MDGA2: variants seen among roughly 807,000 people sequenced by gnomAD.
MDGA2 encodes MAM domain containing glycosylphosphatidylinositol anchor 2.
A neutral mutation model predicts 117.8 loss-of-function variants in MDGA2; 40 were observed. The observed-to-expected ratio is 0.34, with a 90% CI of 0.26 to 0.44. The LOEUF (loss-of-function observed/expected upper bound fraction) is 0.44. Ranked by LOEUF, MDGA2 falls within the 20% of genes least tolerant of loss-of-function variation. The probability of loss-of-function intolerance (pLI) is 1.00; values close to 1 mark genes in which losing one functional copy is unlikely to be tolerated. For missense variants in MDGA2, 1,123 were observed against 1,250.6 expected, an observed-to-expected ratio of 0.90 and a Z score of 1.54; for synonymous variants, 452 against 439.0, an observed-to-expected ratio of 1.03 and a Z score of -0.37.
chr14:47,200,516 CTTT>C, intron 3 of MDGA2: 2 of 605,010 alleles, frequency 3.3e-6, no homozygotes, highest in Non-Finnish European at 5.2e-6. Context: ...TTTTTCTTTT[CTTT>C]TTTCTTTTTC....
intron 1 of MDGA2, among the ~76,000 whole-genome samples, chr14:47,392,706 C>G (rs1337581035): frequency 6.6e-6 from 1 of 152,056 alleles, no homozygotes; most frequent in African/African-American, 2.4e-5. Context: ...GTGGCTCAGC[C>G]TACATTCCCA....
At chr14:47,104,756 A>G (rs1463583856) in intron 5 of MDGA2, among the ~76,000 whole-genome samples, 1 of 152,102 alleles carries the variant, frequency 6.6e-6, no homozygotes. Flanking sequence ...GCTCCGTGAG[A>G]AAGATCCACC....
chr14:46,919,281 G>A (rs1884030989), intron 10 of MDGA2, among the ~76,000 whole-genome samples: 2 of 152,170 alleles, frequency 1.3e-5, no homozygotes, highest in South Asian at 4.1e-4. Flanking sequence ...AAGGTTTTGG[G>A]AGAGAGCTAA....
intron 8 of MDGA2, among the ~76,000 whole-genome samples, chr14:46,999,552 G>A (rs898038244): frequency 6.6e-6 from 1 of 152,024 alleles, no homozygotes; most frequent in Non-Finnish European, 1.5e-5. Flanking sequence ...GCAATTTATT[G>A]ATAGATGTAT....
At chr14:47,332,936 A>T (rs1257495970) in intron 1 of MDGA2, among the ~76,000 whole-genome samples, 1 of 151,954 alleles carries the variant, frequency 6.6e-6, no homozygotes, top group African/African-American at 2.4e-5. Flanking sequence ...CACTTAAGAT[A>T]ATAGCCTCTA....
rs574799818 is a variant in MDGA2, at chr14:47,599,150, A to G, written c.280+75367T>C. On this transcript the variant is annotated intron_variant, in intron 1 of 16. Coordinates refer to ENST00000399232, the MANE Select transcript of MDGA2 (RefSeq NM_001113498.3). Reference sequence around the variant, plus strand: ...GAAGACATTATGCCTGTCCTCTTCTAGTATGCCTCAAAATATCATTATGCA... The same window carrying G: ...GAAGACATTATGCCTGTCCTCTTCTGGTATGCCTCAAAATATCATTATGCA... 8.5e-5 allele frequency among the ~76,000 whole-genome samples: 13 copies of G among 152,156 alleles called. No individual in the cohort carries two copies. The East Asian group carries it at 2.5e-3, about 29-fold the overall frequency.
rs536939267 is a variant in MDGA2 at position 47,010,102 on chromosome 14, T to G, written c.1819+24909A>C. 7.9e-5 allele frequency among the ~76,000 whole-genome samples: 12 copies of G among 152,226 alleles called. No homozygotes were observed. In the South Asian group the frequency reaches 2.5e-3, roughly 32 times the overall value. Reference sequence around the variant, plus strand: ...TAATGATCTTGTAACATCAAGTCCCTGTGGCATCTTTGCCTTTACTGACTG... The same window carrying G: ...TAATGATCTTGTAACATCAAGTCCCGGTGGCATCTTTGCCTTTACTGACTG... On this transcript the variant is annotated intron_variant, in intron 8 of 16. Coordinates refer to ENST00000399232, the MANE Select transcript of MDGA2 (RefSeq NM_001113498.3).
intron 2 of MDGA2, among the ~76,000 whole-genome samples, chr14:47,297,354 A>C (rs1372900684): frequency 6.6e-6 from 1 of 151,482 alleles, no homozygotes; most frequent in East Asian, 1.9e-4. Flanking sequence ...CTATATTTAT[A>C]ATGTATTTAA....
At chr14:47,108,929 T>C (rs1300234462) in intron 5 of MDGA2, among the ~76,000 whole-genome samples, 1 of 152,204 alleles carries the variant, frequency 6.6e-6, no homozygotes, top group South Asian at 2.1e-4. Flanking sequence ...AAGGTCTTTA[T>C]AAACATTGAC....
intron 1 of MDGA2, among the ~76,000 whole-genome samples, chr14:47,548,358 CT>C (rs893904208): frequency 2.7e-5 from 4 of 150,274 alleles, no homozygotes; most frequent in Admixed American, 6.6e-5. Flanking sequence ...GACTTTTTTT[CT>C]TTTTTTTTGG....
intron 9 of MDGA2, among the ~76,000 whole-genome samples, chr14:46,941,328 G>A (rs1231023122): frequency 6.6e-6 from 1 of 152,164 alleles, no homozygotes; most frequent in African/African-American, 2.4e-5. Flanking sequence ...CTGAATCCTT[G>A]ACAGAATTTG....
At chr14:47,623,246 G>A (rs1897082176) in intron 1 of MDGA2, among the ~76,000 whole-genome samples, 1 of 152,198 alleles carries the variant, frequency 6.6e-6, no homozygotes, top group Admixed American at 6.5e-5. Flanking sequence ...CTCACTAGAT[G>A]CCAGCACCTT....
At chr14:47,079,574 A>T (rs1890623117) in intron 6 of MDGA2, among the ~76,000 whole-genome samples, 1 of 152,068 alleles carries the variant, frequency 6.6e-6, no homozygotes, top group South Asian at 2.1e-4. Flanking sequence ...AGAATAGCCA[A>T]ATTATCCCTT....
intron 8 of MDGA2, among the ~76,000 whole-genome samples, chr14:47,023,198 T>TAAA (rs71985853): frequency 1.2e-3 from 120 of 102,846 alleles, no homozygotes; most frequent in African/African-American, 4.3e-3. Flanking sequence ...TTCCCACTCG[T>TAAA]AAAAAAAAAA....
rs142467740 is a variant in MDGA2, at chr14:47,300,426, C to A, written c.420+985G>T. Among the ~76,000 whole-genome samples, 315 of 152,112 alleles carry A rather than the reference C, an allele frequency of 2.1e-3. 2 individuals are homozygous for A. Among genetic ancestry groups the A allele is most frequent in the African/African-American group, 7.1e-3 (296 of 41,532 alleles). ...AGATTGTTGCATCATATATATATAA[C>A]CTAAACATATTATCTTCTATATAAC... On this transcript the variant is annotated intron_variant, in intron 2 of 16. Coordinates refer to ENST00000399232, the MANE Select transcript of MDGA2 (RefSeq NM_001113498.3).
At chr14:47,416,049 A>G (rs1326650355) in intron 1 of MDGA2, among the ~76,000 whole-genome samples, 1 of 152,250 alleles carries the variant, frequency 6.6e-6, no homozygotes, top group Non-Finnish European at 1.5e-5. Flanking sequence ...TGACTTTTTC[A>G]CATGCAAAAT....
At chr14:47,059,209 G>A (rs528055099) in intron 7 of MDGA2, 65 of 875,684 alleles carry the variant, frequency 7.4e-5, no homozygotes, top group Non-Finnish European at 9.3e-5. Flanking sequence ...TATGTGCCAT[G>A]TATTGTTTCG....
At chr14:47,465,597 C>A (rs77290694) in intron 1 of MDGA2, among the ~76,000 whole-genome samples, 1 of 152,080 alleles carries the variant, frequency 6.6e-6, no homozygotes, top group Non-Finnish European at 1.5e-5. Flanking sequence ...TATTACTGAT[C>A]ATTAGAGAAA....
At chr14:47,095,622 C>T (rs545048424) in intron 6 of MDGA2, among the ~76,000 whole-genome samples, 4 of 151,686 alleles carry the variant, frequency 2.6e-5, no homozygotes, top group African/African-American at 9.6e-5. Context: ...AATAATCATA[C>T]ATGTTATACA....
Sources: gnomAD v4.1 joint callset for allele counts (sites outside exome capture counted in the v4.1 genomes callset) on GRCh38, gnomAD v4.1.1 for gene constraint, MANE v1.5 for transcripts, NCBI Gene and HGNC (gene_info 2026-07-23, HGNC 2026-07-21) for gene names.